APBB2: variants seen among roughly 807,000 people sequenced by gnomAD.
APBB2 encodes the protein Fe65-like 1.
A neutral mutation model predicts 82.5 loss-of-function variants in APBB2; 38 were observed. The observed-to-expected ratio is 0.46, with a 90% CI of 0.36 to 0.60. The LOEUF is 0.60. Ranked by LOEUF, APBB2 falls within the 20% of genes least tolerant of loss-of-function variation. The pLI, the probability that APBB2 is intolerant of heterozygous loss-of-function variation, is 0.00. For synonymous variants in APBB2, 341 were observed against 368.2 expected (o/e 0.93, Z 0.85); for missense variants, 772 against 972.3 (o/e 0.79, Z 2.74).
chr4:41,174,580 C>T (rs1769252597), intron 1 of APBB2, among the ~76,000 whole-genome samples: 1 of 152,078 alleles, frequency 6.6e-6, no homozygotes, highest in African/African-American at 2.4e-5. Context: ...GAGGTAAGTA[C>T]AAAAATGGTG....
intron 6 of APBB2, among the ~76,000 whole-genome samples, chr4:40,964,947 C>T (rs897558489): frequency 6.6e-5 from 10 of 152,018 alleles, no homozygotes; most frequent in East Asian, 1.9e-4. Flanking sequence ...AGTGAAACCC[C>T]GTCTCTACTA....
chr4:40,880,996 T>C, intron 12 of APBB2: 1 of 985,404 alleles, frequency 1.0e-6, no homozygotes, highest in Non-Finnish European at 1.2e-6. Flanking sequence ...AGGGAAACTG[T>C]TCTTGGACAA....
At chr4:40,957,192 G>T (rs1267829093) in intron 6 of APBB2, among the ~76,000 whole-genome samples, 2 of 152,106 alleles carry the variant, frequency 1.3e-5, no homozygotes, top group African/African-American at 4.8e-5. Flanking sequence ...GCTATCAATT[G>T]CTACATTCAT....
chr4:41,069,907 G>A (rs774313197), intron 3 of APBB2, among the ~76,000 whole-genome samples: 9 of 152,162 alleles, frequency 5.9e-5, no homozygotes, highest in Admixed American at 1.3e-4. Flanking sequence ...ATGTTAAGTG[G>A]GAGGACTCAG....
chr4:40,927,076 T>C lies in APBB2; in HGVS notation c.1254+7380A>G, dbSNP rs756112772. Among the ~76,000 whole-genome samples, 126 of 152,252 alleles carry C rather than the reference T, an allele frequency of 8.3e-4. 1 individual carries two copies. The highest frequency in any genetic ancestry group is 3.3e-3 in the Admixed American group (51 of 15,286). On this transcript the variant is annotated intron_variant, in intron 10 of 17. Coordinates refer to ENST00000508593, the MANE Select transcript of APBB2 (RefSeq NM_004307.2). ...ACAGATCAGGGCTACTACATTTCAT[T>C]TGAAATCTGAAATTTTCTCAGAACC...
intron 10 of APBB2, among the ~76,000 whole-genome samples, chr4:40,903,625 C>T (rs1050829299): frequency 1.3e-5 from 2 of 152,214 alleles, no homozygotes; most frequent in East Asian, 1.9e-4. Flanking sequence ...CTGAGGAGAA[C>T]GTTGGCAGAG....
At chr4:40,982,665 C>T (rs1407699752) in intron 6 of APBB2, among the ~76,000 whole-genome samples, 1 of 151,924 alleles carries the variant, frequency 6.6e-6, no homozygotes, top group African/African-American at 2.4e-5. Flanking sequence ...GTGATACACA[C>T]CTCTAGTCCC....
chr4:41,026,611 T>C (rs1055570115), intron 5 of APBB2, among the ~76,000 whole-genome samples: 3 of 152,234 alleles, frequency 2.0e-5, no homozygotes, highest in Non-Finnish European at 1.5e-5. Flanking sequence ...GACTGGCTTC[T>C]CTCATTTACT....
chr4:41,074,039 T>C (rs1406376593), intron 3 of APBB2, among the ~76,000 whole-genome samples: 1 of 152,086 alleles, frequency 6.6e-6, no homozygotes, highest in Non-Finnish European at 1.5e-5. Context: ...GGCAGGAGGA[T>C]TGCTTGAGCC....
Position 41,179,094 on chromosome 4 carries a change from CAA to C in APBB2, c.-417+35309_-417+35310del, listed in dbSNP as rs34112526. Among the ~76,000 whole-genome samples, 8 of 152,306 alleles carry C rather than the reference CAA, an allele frequency of 5.3e-5. No homozygotes were observed. In the South Asian group the frequency reaches 1.7e-3, roughly 32 times the overall value. On this transcript the variant is annotated intron_variant, in intron 1 of 17. Coordinates refer to ENST00000508593, the MANE Select transcript of APBB2 (RefSeq NM_004307.2). ...CACAGACATCCATTTACTCGCTCAA[CAA>C]AAAGTTTTCTGTTCTACAGACATGT...
At chr4:41,119,522 TAAAAAAA>T (rs35952366) in intron 2 of APBB2, among the ~76,000 whole-genome samples, 1 of 118,058 alleles carries the variant, frequency 8.5e-6, no homozygotes, top group African/African-American at 3.2e-5. Context: ...GAAGTTCCAT[TAAAAAAA>T]AAAAAAAAAA....
chr4:40,924,067 G>A (rs1013485806), intron 10 of APBB2, among the ~76,000 whole-genome samples: 3 of 152,200 alleles, frequency 2.0e-5, no homozygotes, highest in African/African-American at 4.8e-5. Flanking sequence ...GCCTGGCTTC[G>A]GGTCCTGCTC....
intron 12 of APBB2, among the ~76,000 whole-genome samples, chr4:40,867,537 T>C (rs766550664): frequency 8.5e-5 from 13 of 152,244 alleles, no homozygotes; most frequent in Non-Finnish European, 1.8e-4. Context: ...TTGTCTGATC[T>C]TGTCACAAAT....
At chr4:40,836,028 A>G (rs1026666978) in intron 12 of APBB2, among the ~76,000 whole-genome samples, 1 of 152,036 alleles carries the variant, frequency 6.6e-6, no homozygotes, top group African/African-American at 2.4e-5. Context: ...GGTGGACAAG[A>G]CGTGTGGGGT....
In APBB2 at chr4:41,089,370, G is replaced by T. The variant is rs77050480; in HGVS notation, c.-149+11269C>A. Among the ~76,000 whole-genome samples the T allele has an allele frequency of 1.1e-3, 173 of 152,228 alleles. 1 individual carries two copies. In the East Asian group the frequency reaches 0.026, roughly 23 times the overall value. On this transcript the variant is annotated intron_variant, in intron 3 of 17. Transcript: ENST00000508593. ...AAATGCTCCAATGAACATTTCCTTT[G>T]AGCATCATGTTAGCACTCAAAAAGT...
chr4:40,988,474 A>G (rs113459025), intron 6 of APBB2, among the ~76,000 whole-genome samples: 15,629 of 151,656 alleles, frequency 0.1, 867 homozygotes, highest in Admixed American at 0.16. Flanking sequence ...TGTCTTTACT[A>G]AAAATACAAA....
chr4:41,049,578 C>T (rs1054778591), intron 4 of APBB2, among the ~76,000 whole-genome samples: 2 of 151,946 alleles, frequency 1.3e-5, no homozygotes, highest in Admixed American at 1.3e-4. Flanking sequence ...GCCCAACCGC[C>T]CCTTCTGGTA....
At chr4:41,091,020 G>A (rs1391140408) in intron 3 of APBB2, among the ~76,000 whole-genome samples, 3 of 152,116 alleles carry the variant, frequency 2.0e-5, no homozygotes, top group Non-Finnish European at 4.4e-5. Flanking sequence ...TCCATGATAT[G>A]CCATGTGATC....
chr4:40,897,422 G>A (rs28666812), intron 10 of APBB2, among the ~76,000 whole-genome samples: 5,938 of 152,062 alleles, frequency 0.039, 369 homozygotes, highest in African/African-American at 0.14. Context: ...GAGAATCGTG[G>A]CAAAAGAATC....
Sources: allele counts gnomAD v4.1 joint callset (sites outside exome capture counted in the v4.1 genomes callset), GRCh38; gene constraint gnomAD v4.1.1; transcripts MANE v1.5; gene names NCBI Gene and HGNC (gene_info 2026-07-23, HGNC 2026-07-21).